The following MRPS11 variants were observed in gnomAD, a reference collection of about 807,000 sequenced individuals.
The protein encoded by MRPS11 is small ribosomal subunit protein uS11m.
In MRPS11, 27 loss-of-function variants were observed where a neutral mutation model predicts 24.3. The ratio of observed to expected loss-of-function variants is 1.11; its 90% confidence interval spans 0.82 to 1.53. The LOEUF is 1.53. Among genes scored for constraint, MRPS11 ranks in the 40% most tolerant of loss-of-function variants. MRPS11 has a pLI of 0.00. For synonymous variants in MRPS11, 104 were observed against 98.7 expected, an observed-to-expected ratio of 1.05 and a Z score of -0.32; for missense variants, 277 against 256.5, an observed-to-expected ratio of 1.08 and a Z score of -0.55.
Position 88,477,092 on chromosome 15 carries a change from AGTAAGT to A in MRPS11, c.477+41_477+46del. ...GATTTCCATAGTGTACTTGCCTCCT[AGTAAGT>A]GTGAGAATTTGGGGCTTGAGAGCAG... On this transcript the variant is annotated intron_variant, in intron 5 of 5. Coordinates refer to ENST00000325844, the MANE Select transcript of MRPS11 (RefSeq NM_022839.5). This position sits in a 1 kb window ranked among gnomAD's most constrained non-coding sequence, Gnocchi z 5.7. 1 of 1,595,862 alleles carries A rather than the reference AGTAAGT, an allele frequency of 6.3e-7. No homozygotes were observed. Among genetic ancestry groups the A allele is most frequent in the Non-Finnish European group, 8.6e-7 (1 of 1,165,284 alleles).
Position 88,475,244 on chromosome 15 carries a change from G to C in MRPS11, c.411+5G>C, listed in dbSNP as rs992642891. 6.2e-7 allele frequency: 1 copy of C among 1,614,080 alleles called. No homozygotes were observed. The highest frequency in any genetic ancestry group is 1.3e-5 in the African/African-American group (1 of 75,072). On this transcript the variant is annotated splice_donor_5th_base_variant and intron_variant, in intron 4 of 5. Coordinates refer to ENST00000325844, the MANE Select transcript of MRPS11 (RefSeq NM_022839.5). This position sits in a 1 kb window ranked among gnomAD's most constrained non-coding sequence, Gnocchi z 4.1. ...GCAGGCATAGCCGCAGCGGCGGTAA[G>C]TGTGTGTTCCTTCTGCTTCCTTCTA...
At chr15:88,468,290 G>T in intron 2 of MRPS11, 1 of 1,259,406 alleles carries the variant, frequency 7.9e-7, no homozygotes. Flanking sequence ...TCCATAACAT[G>T]TATCAGCGTT....
intron 2 of MRPS11, among the ~76,000 whole-genome samples, chr15:88,470,770 A>G (rs975730840): frequency 2.0e-5 from 3 of 152,242 alleles, no homozygotes; most frequent in African/African-American, 7.2e-5. Flanking sequence ...AGCAGAGGAT[A>G]GGAAGAAACA....
Position 88,478,319 on chromosome 15 carries a change from AAG to A in MRPS11, c.*345_*346del, listed in dbSNP as rs2055866111. The A allele has an allele frequency of 7.2e-6, 2 of 279,350 alleles. No individual in the cohort carries two copies. Among genetic ancestry groups the A allele is most frequent in the Admixed American group, 4.9e-5 (1 of 20,616 alleles). 17.3% of individuals were successfully genotyped at this position (279,350 alleles called of 1,614,324 possible). On this transcript the variant is annotated 3_prime_UTR_variant, in exon 6 of 6. Coordinates refer to ENST00000325844, the MANE Select transcript of MRPS11 (RefSeq NM_022839.5). The surrounding 1 kb of genome is among the most constrained non-coding windows in gnomAD (Gnocchi z 4.7). ...ACGTAATTCCTAATTCCTCTTGAAA[AAG>A]AGAGTGTGAAATGAGGTGAGGCCTC...
chr15:88,468,623 C>A, intron 2 of MRPS11: 1 of 534,350 alleles, frequency 1.9e-6, no homozygotes, highest in Non-Finnish European at 2.4e-6. Flanking sequence ...AGTTCACAGT[C>A]TTTGAGGGAA....
rs1491037468 is a variant in MRPS11, at chr15:88,475,243, AGT to A, written c.411+11_411+12del. The stretch of plus-strand genomic sequence containing the variant: ...AGCAGGCATAGCCGCAGCGGCGGTA[AGT>A]GTGTGTTCCTTCTGCTTCCTTCTAG... On this transcript the variant is annotated splice_donor_5th_base_variant and intron_variant, in intron 4 of 5. Transcript: ENST00000325844. The surrounding 1 kb of genome is among the most constrained non-coding windows in gnomAD (Gnocchi z 4.1). The A allele has an allele frequency of 1.9e-6, 3 of 1,613,934 alleles. No homozygotes were observed. The highest frequency in any genetic ancestry group is 2.7e-5 in the African/African-American group (2 of 74,940).
Position 88,478,153 on chromosome 15 carries a change from G to GGT in MRPS11, c.*178_*179dup, listed in dbSNP as rs893120428. The GGT allele has an allele frequency of 1.8e-4, 109 of 609,766 alleles. No individual in the cohort carries two copies. The highest frequency in any genetic ancestry group is 2.6e-5 in the Non-Finnish European group (9 of 342,904). The allele number at this position is 609,766 out of a possible 1,614,324, so 37.8% of individuals were successfully genotyped here. ...TTGCTTGCACCTCCAGCTGGAGATG[G>GGT]GTGTGCCCCAGAAGTAAGCTTTGCA... On this transcript the variant is annotated 3_prime_UTR_variant, in exon 6 of 6. Coordinates refer to ENST00000325844, the MANE Select transcript of MRPS11 (RefSeq NM_022839.5). The surrounding 1 kb of genome is among the most constrained non-coding windows in gnomAD (Gnocchi z 4.7).
Position 88,479,235 on chromosome 15 carries a change from G to C in MRPS11, c.*1256G>C, listed in dbSNP as rs1266854142. On this transcript the variant is annotated 3_prime_UTR_variant, in exon 6 of 6. Coordinates refer to ENST00000325844, the MANE Select transcript of MRPS11 (RefSeq NM_022839.5). ...TACGGCACAGAGGCCAAAGGTGGGG[G>C]CTCTAGAGACACGACCAGAGAGTCC... 6.6e-6 allele frequency: 1 copy of C among 152,178 alleles called. No homozygotes were observed. The highest frequency in any genetic ancestry group is 1.5e-5 in the Non-Finnish European group (1 of 68,074). 9.4% of individuals were successfully genotyped at this position (152,178 alleles called of 1,614,324 possible). A position where few individuals can be genotyped will look rare whatever the true frequency, so the allele number is the denominator to read the frequency against.
rs575113583 is a variant in MRPS11, at chr15:88,469,013, G to GAAAAAAA, written c.182+1000_182+1006dup. On this transcript the variant is annotated intron_variant, in intron 2 of 5. Coordinates refer to ENST00000325844, the MANE Select transcript of MRPS11 (RefSeq NM_022839.5). The surrounding 1 kb of genome is among the most constrained non-coding windows in gnomAD (Gnocchi z 4.4). Reference sequence around the variant, plus strand: ...TGACAGATTGAGACTCTGTCTCAAAGAAAAAAAAAAAAAAAAAGAATAAGT... The same window carrying GAAAAAAA: ...TGACAGATTGAGACTCTGTCTCAAAGAAAAAAAAAAAAAAAAAAAAAAAAGAATAAGT... The GAAAAAAA allele has an allele frequency of 1.3e-5, 1 of 79,968 alleles. No homozygotes were observed. The allele number at this position is 79,968 out of a possible 1,614,324, so 5.0% of individuals were successfully genotyped here. A position where few individuals can be genotyped will look rare whatever the true frequency, so the allele number is the denominator to read the frequency against.
Position 88,477,790 on chromosome 15 carries a change from T to C in MRPS11, c.478-82T>C, listed in dbSNP as rs1598297269. 2 of 1,212,540 alleles carry C rather than the reference T, an allele frequency of 1.6e-6. No homozygotes were observed. The highest frequency in any genetic ancestry group is 1.9e-5 in the Admixed American group (1 of 53,916). The allele number at this position is 1,212,540 out of a possible 1,614,324, so 75.1% of individuals were successfully genotyped here. A position where few individuals can be genotyped will look rare whatever the true frequency, so the allele number is the denominator to read the frequency against. On this transcript the variant is annotated intron_variant, in intron 5 of 5. Coordinates refer to ENST00000325844, the MANE Select transcript of MRPS11 (RefSeq NM_022839.5). The surrounding 1 kb of genome is among the most constrained non-coding windows in gnomAD (Gnocchi z 5.7). ...CCGTTCCCTTCTCTACGCCACCCTG[T>C]CCCTCTCCGAACCCTGCCTGGAGAC...
Position 88,475,893 on chromosome 15 carries a change from G to C in MRPS11, c.411+654G>C, listed in dbSNP as rs1455665388. On this transcript the variant is annotated intron_variant, in intron 4 of 5. Coordinates refer to ENST00000325844, the MANE Select transcript of MRPS11 (RefSeq NM_022839.5). This position sits in a 1 kb window ranked among gnomAD's most constrained non-coding sequence, Gnocchi z 4.1. ...AATCACTTGAACCCAGGAGGTGGAG[G>C]TTGCAGTGACTCGAGATCACACCAC... Among the ~76,000 whole-genome samples the C allele has an allele frequency of 6.6e-6, 1 of 152,124 alleles. No homozygotes were observed. Among genetic ancestry groups the C allele is most frequent in the East Asian group, 1.9e-4 (1 of 5,190 alleles).
intron 3 of MRPS11, among the ~76,000 whole-genome samples, chr15:88,474,388 C>T (rs1338988741): frequency 2.0e-5 from 3 of 151,384 alleles, no homozygotes; most frequent in South Asian, 2.1e-4. Context: ...GGAGAAACCC[C>T]GTCTTTACTA....
Position 88,472,686 on chromosome 15 carries a change from AG to A in MRPS11, c.244del (p.Glu82ArgfsTer18). The A allele has an allele frequency of 6.2e-7, 1 of 1,614,088 alleles. No individual in the cohort carries two copies. The highest frequency in any genetic ancestry group is 8.5e-7 in the Non-Finnish European group (1 of 1,179,968). On this transcript the variant is annotated frameshift_variant, in exon 3 of 6. Transcript: ENST00000325844. LOFTEE classifies it high-confidence loss of function. Reference protein sequence around the residue: ...SSLRWAGKKFEEIPIAHIKAS... With the variant: ...SSLRWAGKKFXEIPIAHIKAS... ...CTGAGGTGGGCAGGAAAGAAATTTG[AG>A]GAGATCCCAATTGCACACATTAAAG... is the stretch of plus-strand genomic sequence containing the variant.
Position 88,474,994 on chromosome 15 carries a change from T to G in MRPS11, c.282-116T>G, listed in dbSNP as rs192752061. 462 of 1,235,580 alleles carry G rather than the reference T, an allele frequency of 3.7e-4. 2 individuals carry two copies. Among genetic ancestry groups the G allele is most frequent in the Admixed American group, 3.7e-3 (139 of 37,904 alleles). The allele number at this position is 1,235,580 out of a possible 1,614,324, so 76.5% of individuals were successfully genotyped here. A position where few individuals can be genotyped will look rare whatever the true frequency, so the allele number is the denominator to read the frequency against. ...ACATGTTCATCTGAGAAGCTCAAAG[T>G]AGAAGCAACTGAATTCCTTTTTCTT... On this transcript the variant is annotated intron_variant, in intron 3 of 5. Transcript: ENST00000325844.
rs554378677 is a variant in MRPS11, at chr15:88,472,708, T to C, written c.264T>C (p.Ile88=). The C allele has an allele frequency of 6.2e-7, 1 of 1,613,456 alleles. No homozygotes were observed. The highest frequency in any genetic ancestry group is 1.3e-5 in the African/African-American group (1 of 75,000). The change falls in exon 3 of 6, where the codon ATT becomes ATC. Residue 88 remains isoleucine, a synonymous_variant. Transcript: ENST00000325844. The stretch of plus-strand genomic sequence containing the variant: ...TTGAGGAGATCCCAATTGCACACAT[T>C]AAAGCATCCCACAACAAGTAAGTGG... ...KKFEEIPIAH[I]KASHNNTQIQ...
rs1475886774 is a variant in MRPS11, at chr15:88,480,645, C to T, written c.*2666C>T. Reference sequence around the variant, plus strand: ...CCGGAAATGGATGTCTGGCGCAACCCCCGGAGCTAGTTTTGGGGAGGCCGC... The same window carrying T: ...CCGGAAATGGATGTCTGGCGCAACCTCCGGAGCTAGTTTTGGGGAGGCCGC... On this transcript the variant is annotated 3_prime_UTR_variant, in exon 6 of 6. Coordinates refer to ENST00000325844, the MANE Select transcript of MRPS11 (RefSeq NM_022839.5). The surrounding 1 kb of genome is among the most constrained non-coding windows in gnomAD (Gnocchi z 5.1). The T allele has an allele frequency of 6.6e-6, 1 of 152,054 alleles. No individual in the cohort carries two copies. Among genetic ancestry groups the T allele is most frequent in the Admixed American group, 6.6e-5 (1 of 15,266 alleles). The allele number at this position is 152,054 out of a possible 1,614,324, so 9.4% of individuals were successfully genotyped here.
At chr15:88,473,833 A>G (rs1440440273) in intron 3 of MRPS11, among the ~76,000 whole-genome samples, 1 of 152,250 alleles carries the variant, frequency 6.6e-6, no homozygotes, top group African/African-American at 2.4e-5. Flanking sequence ...AAATCAAAGC[A>G]TATCTGAGGA....
rs2055650781 is a variant in MRPS11 at position 88,469,866 on chromosome 15, A to G, written c.182+1842A>G. Among the ~76,000 whole-genome samples the G allele has an allele frequency of 6.6e-6, 1 of 152,182 alleles. No individual in the cohort carries two copies. The highest frequency in any genetic ancestry group is 2.1e-4 in the South Asian group (1 of 4,838). On this transcript the variant is annotated intron_variant, in intron 2 of 5. Coordinates refer to ENST00000325844, the MANE Select transcript of MRPS11 (RefSeq NM_022839.5). This position sits in a 1 kb window ranked among gnomAD's most constrained non-coding sequence, Gnocchi z 4.4. ...GTTAATATACAGTGTGAGAAAAAGG[A>G]GCGAAGGAAGACCCCAAATTTTGTT...
At chr15:88,468,351 C>T in intron 2 of MRPS11, 4 of 1,130,766 alleles carry the variant, frequency 3.5e-6, no homozygotes, top group Non-Finnish European at 4.4e-6. Flanking sequence ...TCCCTGCCTC[C>T]AAAACAAAAT....
Sources: gnomAD v4.1 joint callset for allele counts (sites outside exome capture counted in the v4.1 genomes callset) on GRCh38, gnomAD v4.1.1 for gene constraint, Gnocchi (gnomAD v3.1) non-coding constraint, MANE v1.5 for transcripts, NCBI Gene and HGNC (gene_info 2026-07-23, HGNC 2026-07-21) for gene names.